Variants in PRKG1 observed in about 807,000 individuals in gnomAD.
The protein encoded by PRKG1 is cGMP-dependent protein kinase 1.
Under a neutral mutation model 88.1 loss-of-function variants are expected in PRKG1, and 35 were observed. The ratio of observed to expected loss-of-function variants is 0.40; its 90% CI spans 0.30 to 0.53. PRKG1 has a LOEUF of 0.53. PRKG1 is among the 20% of genes least tolerant of loss of function. PRKG1 has a pLI of 0.59. For synonymous variants in PRKG1, 303 were observed against 292.5 expected, an observed-to-expected ratio of 1.04 and a Z score of -0.37; for missense variants, 540 against 839.8, an observed-to-expected ratio of 0.64 and a Z score of 4.41.
At chr10:52,206,620 C>T (rs936757210) in intron 9 of PRKG1, among the ~76,000 whole-genome samples, 11 of 152,198 alleles carry the variant, frequency 7.2e-5, no homozygotes, top group East Asian at 1.9e-4. Flanking sequence ...CAAACCCTGG[C>T]ATTTAATCGT....
chr10:51,232,386 G>T (rs1466659283), intron 2 of PRKG1, among the ~76,000 whole-genome samples: 2 of 152,166 alleles, frequency 1.3e-5, no homozygotes, highest in East Asian at 3.9e-4. Context: ...GGTTACTGAA[G>T]GAGCAGCTGT....
intron 2 of PRKG1, among the ~76,000 whole-genome samples, chr10:51,250,147 CT>C (rs1281426062): frequency 6.6e-6 from 1 of 151,698 alleles, no homozygotes; most frequent in South Asian, 2.1e-4. Flanking sequence ...CCTAAACAGC[CT>C]TTTGGCAAAA....
chr10:51,524,020 G>A (rs555046959), intron 3 of PRKG1, among the ~76,000 whole-genome samples: 5 of 152,190 alleles, frequency 3.3e-5, no homozygotes, highest in African/African-American at 7.2e-5. Context: ...GGCTGTTCTC[G>A]TGATAGTGAG....
intron 1 of PRKG1, 81 bp from the exon 2 acceptor site, chr10:51,153,083 C>A: frequency 1.7e-6 from 2 of 1,183,732 alleles, no homozygotes. Context: ...TGTGCCAGAG[C>A]ACTCTATGGC....
chr10:52,151,507 A>C (rs956332426), intron 8 of PRKG1, among the ~76,000 whole-genome samples: 1 of 152,230 alleles, frequency 6.6e-6, no homozygotes, highest in East Asian at 1.9e-4. Flanking sequence ...TGTGAAACTT[A>C]TCATTGGTTT....
chr10:52,006,864 G>A (rs868679045), intron 5 of PRKG1, among the ~76,000 whole-genome samples: 1 of 152,040 alleles, frequency 6.6e-6, no homozygotes, highest in Non-Finnish European at 1.5e-5. Context: ...AAATGTTAAA[G>A]GCAGCTGGAG....
At chr10:51,074,976 G>A in intron 1 of PRKG1, 75 bp downstream of exon 1, 1 of 1,464,352 alleles carries the variant, frequency 6.8e-7, no homozygotes, top group Non-Finnish European at 9.1e-7. Flanking sequence ...ATTGTCTGTC[G>A]GCCCCCGCCC....
At chr10:51,511,472 A>G (rs1045924754) in intron 3 of PRKG1, among the ~76,000 whole-genome samples, 1 of 152,188 alleles carries the variant, frequency 6.6e-6, no homozygotes, top group Admixed American at 6.6e-5. Flanking sequence ...AGAATATTTA[A>G]TGAAGCCCTG....
intron 3 of PRKG1, among the ~76,000 whole-genome samples, chr10:51,796,386 T>C (rs1218363916): frequency 6.6e-6 from 1 of 152,154 alleles, no homozygotes; most frequent in African/African-American, 2.4e-5. Context: ...ATGTAATAAA[T>C]GTAAAATTAT....
intron 2 of PRKG1, among the ~76,000 whole-genome samples, chr10:51,293,044 T>G (rs1840625248): frequency 6.6e-6 from 1 of 152,264 alleles, no homozygotes; most frequent in South Asian, 2.1e-4. Flanking sequence ...TACTTCTTTC[T>G]TCCCCCCAGC....
At chr10:51,999,362 A>G (rs1227057603) in intron 5 of PRKG1, among the ~76,000 whole-genome samples, 1 of 152,176 alleles carries the variant, frequency 6.6e-6, no homozygotes, top group East Asian at 1.9e-4. Context: ...GACCCATATG[A>G]TGGGCTTTTA....
intron 2 of PRKG1, among the ~76,000 whole-genome samples, chr10:51,243,838 G>T (rs1446513666): frequency 6.6e-6 from 1 of 152,130 alleles, no homozygotes; most frequent in East Asian, 1.9e-4. Flanking sequence ...AATTACATTT[G>T]CAGGAGAGTA....
intron 2 of PRKG1, among the ~76,000 whole-genome samples, chr10:51,197,757 T>C (rs1429617319): frequency 6.6e-6 from 1 of 151,706 alleles, no homozygotes; most frequent in South Asian, 2.1e-4. Context: ...GTGTTTTTTT[T>C]CAGAGGAAAA....
At chr10:52,105,048 C>T (rs1408727970) in intron 7 of PRKG1, among the ~76,000 whole-genome samples, 1 of 152,158 alleles carries the variant, frequency 6.6e-6, no homozygotes, top group Non-Finnish European at 1.5e-5. Flanking sequence ...CTAACAGAGG[C>T]CACGCAGATG....
At chr10:52,284,783 A>G (rs867745217) in intron 14 of PRKG1, among the ~76,000 whole-genome samples, 5 of 152,188 alleles carry the variant, frequency 3.3e-5, no homozygotes, top group Middle Eastern at 3.4e-3. Context: ...GAGGTGAAGG[A>G]AGATTCATAC....
intron 9 of PRKG1, among the ~76,000 whole-genome samples, chr10:52,171,492 C>T (rs1464992658): frequency 2.0e-5 from 3 of 152,026 alleles, no homozygotes; most frequent in African/African-American, 2.4e-5. Flanking sequence ...ATATAGGGGA[C>T]GAAAATATTT....
At chr10:52,158,162 T>C (rs533761157) in intron 8 of PRKG1, among the ~76,000 whole-genome samples, 2 of 151,816 alleles carry the variant, frequency 1.3e-5, no homozygotes, top group East Asian at 1.9e-4. Flanking sequence ...TGTGTATGAA[T>C]TGTGTTTGTT....
intron 5 of PRKG1, among the ~76,000 whole-genome samples, chr10:51,954,989 C>T (rs1843270100): frequency 6.6e-6 from 1 of 152,136 alleles, no homozygotes; most frequent in Admixed American, 6.6e-5. Context: ...TTTTAAAAAA[C>T]AAAGTTCAGA....
intron 3 of PRKG1, among the ~76,000 whole-genome samples, chr10:51,683,310 G>T (rs1236036099): frequency 2.7e-5 from 4 of 150,364 alleles, no homozygotes; most frequent in Non-Finnish European, 5.9e-5. Flanking sequence ...AGGGAGTGAG[G>T]CTCTGTCTCA....
Sources: allele counts gnomAD v4.1 joint callset (sites outside exome capture counted in the v4.1 genomes callset), GRCh38; gene constraint gnomAD v4.1.1; transcripts MANE v1.5; gene names NCBI Gene and HGNC (gene_info 2026-07-23, HGNC 2026-07-21).